SH2D3C: variants seen among roughly 807,000 people sequenced by gnomAD.
SH2D3C encodes the protein SH2 domain-containing protein 3C.
Under a neutral mutation model 75.2 loss-of-function variants are expected in SH2D3C, and 25 were observed. The ratio of observed to expected loss-of-function variants is 0.33; its 90% CI spans 0.24 to 0.46. The LOEUF (loss-of-function observed/expected upper bound fraction) is 0.46, where lower values mean the gene tolerates loss of function less well. Ranked by LOEUF, SH2D3C falls within the 20% of genes least tolerant of loss-of-function variation. The probability of loss-of-function intolerance (pLI) is 1.00; values close to 1 mark genes in which losing one functional copy is unlikely to be tolerated. For synonymous variants in SH2D3C, 450 were observed against 473.7 expected, an observed-to-expected ratio of 0.95 and a Z score of 0.65; for missense variants, 933 against 1,165.3, an observed-to-expected ratio of 0.80 and a Z score of 2.90.
chr9:127,755,298 G>T, intron 3 of SH2D3C: 2 of 1,016,304 alleles, frequency 2.0e-6, no homozygotes, highest in Non-Finnish European at 2.4e-6. Context: ...GTCGGGGGAG[G>T]AGCGGGGAGG....
At chr9:127,745,597 G>A (rs931689420) in intron 6 of SH2D3C, among the ~76,000 whole-genome samples, 3 of 149,692 alleles carry the variant, frequency 2.0e-5, no homozygotes, top group African/African-American at 7.4e-5. Flanking sequence ...TCAGCCTCCC[G>A]AGTAGCTGGG....
intron 9 of SH2D3C, among the ~76,000 whole-genome samples, chr9:127,740,971 G>T (rs565308160): frequency 2.0e-5 from 3 of 152,092 alleles, no homozygotes; most frequent in African/African-American, 7.2e-5. Context: ...GTGAGCTACC[G>T]CGCCTGGCTG....
chr9:127,741,335 G>A (rs1416023439), intron 9 of SH2D3C, among the ~76,000 whole-genome samples: 2 of 150,518 alleles, frequency 1.3e-5, no homozygotes, highest in Non-Finnish European at 2.9e-5. Flanking sequence ...CTGCCTCCCT[G>A]GTTCAAGCGA....
Position 127,738,709 on chromosome 9 carries a change from C to A in SH2D3C, c.*37G>T. On this transcript the variant is annotated 3_prime_UTR_variant, in exon 12 of 12. Transcript: ENST00000314830. This position sits in a 1 kb window ranked among gnomAD's most constrained non-coding sequence, Gnocchi z 5.0. ...AAGTTGTGTGCCCCTCTGCCCCTGACGCTGTCCGCAGCTGCAGAGGGGAAA... is the reference window on the plus strand; with the variant it reads ...AAGTTGTGTGCCCCTCTGCCCCTGAAGCTGTCCGCAGCTGCAGAGGGGAAA... 6.5e-7 allele frequency: 1 copy of A among 1,529,384 alleles called. No homozygotes were observed. The highest frequency in any genetic ancestry group is 1.2e-5 in the South Asian group (1 of 80,646). The allele number at this position is 1,529,384 out of a possible 1,614,324, so 94.7% of individuals were successfully genotyped here.
chr9:127,772,944 G>A (rs1210343923), intron 2 of SH2D3C, among the ~76,000 whole-genome samples: 2 of 151,030 alleles, frequency 1.3e-5, no homozygotes, highest in Non-Finnish European at 2.9e-5. Flanking sequence ...AGCAATTCTC[G>A]TGCCTCCACC....
intron 2 of SH2D3C, chr9:127,767,396 AGCT>A: frequency 8.2e-7 from 1 of 1,221,720 alleles, no homozygotes; most frequent in Non-Finnish European, 1.1e-6. Flanking sequence ...CAGGGCATGC[AGCT>A]GCTCAGACTA....
rs767156845 is a variant in SH2D3C, at chr9:127,774,111, C to T, written c.394G>A (p.Glu132Lys). Residue 132 changes from glutamate (E) to lysine (K), a missense_variant, in exon 2 of 12, where the codon GAG becomes AAG. By Grantham distance (56) the Glu-to-Lys change is moderately conservative. Coordinates refer to ENST00000314830, the MANE Select transcript of SH2D3C (RefSeq NM_170600.3). The surrounding 1 kb of genome is among the most constrained non-coding windows in gnomAD (Gnocchi z 4.3). Reference protein sequence around the residue: ...EVMVKATGPLEDTPAMEPNPS... With the variant: ...EVMVKATGPLKDTPAMEPNPS... The stretch of plus-strand genomic sequence containing the variant: ...TTGGGTTCCATTGCTGGGGTGTCCT[C>T]TAGAGGGCCAGTGGCCTTCACCATC... 2 of 1,614,134 alleles carry T rather than the reference C, an allele frequency of 1.2e-6. No homozygotes were observed. Among genetic ancestry groups the T allele is most frequent in the Admixed American group, 3.3e-5 (2 of 60,012 alleles).
At chr9:127,756,843 A>G (rs559582732) in intron 3 of SH2D3C, among the ~76,000 whole-genome samples, 1 of 151,760 alleles carries the variant, frequency 6.6e-6, no homozygotes, top group Non-Finnish European at 1.5e-5. Context: ...ACAGGGTTTC[A>G]CCGTGGTCTC....
At chr9:127,766,072 G>A (rs1845628070) in intron 2 of SH2D3C, among the ~76,000 whole-genome samples, 1 of 152,158 alleles carries the variant, frequency 6.6e-6, no homozygotes, top group African/African-American at 2.4e-5. Context: ...TTAAATCTGA[G>A]CTTCACCCTC....
In SH2D3C at chr9:127,740,307, C is replaced by A; in HGVS notation, c.2151G>T (p.Leu717=). ...LRQRHTEGAI[L]YEKKLKPFLK... ...GAAAAGGCTTGAGCTTCTTCTCGTACAGGATGGCACCCTCTGTGTGTCGCT... is the reference window on the plus strand; with the variant it reads ...GAAAAGGCTTGAGCTTCTTCTCGTAAAGGATGGCACCCTCTGTGTGTCGCT... The change falls in exon 10 of 12, where the codon CTG becomes CTT. Residue 717 remains leucine (L), a synonymous_variant. Coordinates refer to ENST00000314830, the MANE Select transcript of SH2D3C (RefSeq NM_170600.3). The A allele has an allele frequency of 3.1e-6, 5 of 1,614,162 alleles. No individual in the cohort carries two copies. Among genetic ancestry groups the A allele is most frequent in the Non-Finnish European group, 3.4e-6 (4 of 1,180,024 alleles).
At chr9:127,753,209 G>A (rs1486575379) in intron 3 of SH2D3C, among the ~76,000 whole-genome samples, 1 of 152,166 alleles carries the variant, frequency 6.6e-6, no homozygotes, top group Non-Finnish European at 1.5e-5. Flanking sequence ...ATGGAGAGCA[G>A]CCTAGGGTTT....
Position 127,742,925 on chromosome 9 carries a change from G to A in SH2D3C, c.1840C>T (p.Leu614=). 6.2e-7 allele frequency: 1 copy of A among 1,613,964 alleles called. No individual in the cohort carries two copies. Among genetic ancestry groups the A allele is most frequent in the Non-Finnish European group, 8.5e-7 (1 of 1,179,910 alleles). Reference sequence around the variant, plus strand: ...TCCATGCCCCAGCGGACTCCCATTAGGGTCTGCATCTCCTTGGTAACGCCC... The same window carrying A: ...TCCATGCCCCAGCGGACTCCCATTAAGGTCTGCATCTCCTTGGTAACGCCC... ...ILGVTKEMQT[L]MGVRWGMELL... is the part of the protein sequence containing the mutation. Residue 614 remains leucine (L), a synonymous_variant, in exon 8 of 12, where the codon CTA becomes TTA. Transcript: ENST00000314830.
Position 127,751,163 on chromosome 9 carries a change from C to T in SH2D3C, c.684+9G>A. Reference sequence around the variant, plus strand: ...TCCCGGGTTGAAGTCCAGCTCGGGGCCTACTCACCTCTCGGGGGATGCGGC... The same window carrying T: ...TCCCGGGTTGAAGTCCAGCTCGGGGTCTACTCACCTCTCGGGGGATGCGGC... On this transcript the variant is annotated intron_variant, in intron 4 of 11. Coordinates refer to ENST00000314830, the MANE Select transcript of SH2D3C (RefSeq NM_170600.3). This position sits in a 1 kb window ranked among gnomAD's most constrained non-coding sequence, Gnocchi z 4.1. 6.2e-7 allele frequency: 1 copy of T among 1,613,146 alleles called. No individual in the cohort carries two copies. The highest frequency in any genetic ancestry group is 8.5e-7 in the Non-Finnish European group (1 of 1,179,884).
At chr9:127,767,751 T>C (rs376396915) in intron 2 of SH2D3C, among the ~76,000 whole-genome samples, 3 of 152,300 alleles carry the variant, frequency 2.0e-5, no homozygotes, top group African/African-American at 7.2e-5. Flanking sequence ...CCACCTGACA[T>C]ATCCCGTCCT....
rs1491252899 is a variant in SH2D3C, at chr9:127,757,630, G to GATT, written c.555+3980_555+3981insAAT. ...TGATGATGATGATGATGATGATGAT[G>GATT]ATGATGATGATGATGATTATTATTA... On this transcript the variant is annotated intron_variant, in intron 3 of 11. Coordinates refer to ENST00000314830, the MANE Select transcript of SH2D3C (RefSeq NM_170600.3). Among the ~76,000 whole-genome samples, 514 of 76,300 alleles carry GATT rather than the reference G, an allele frequency of 6.7e-3. 4 individuals are homozygous for GATT. The highest frequency in any genetic ancestry group is 8.4e-3 in the Non-Finnish European group (297 of 35,446). 50.1% of individuals were successfully genotyped at this position (76,300 alleles called of 152,430 possible).
chr9:127,753,260 G>A (rs924366195), intron 3 of SH2D3C, among the ~76,000 whole-genome samples: 1 of 152,156 alleles, frequency 6.6e-6, no homozygotes, highest in African/African-American at 2.4e-5. Context: ...GGCAGAAGGA[G>A]TGGGGGAAAG....
chr9:127,777,877 G>A (rs941028429), intron 1 of SH2D3C, among the ~76,000 whole-genome samples: 16 of 151,888 alleles, frequency 1.1e-4, no homozygotes, highest in African/African-American at 1.9e-4. Context: ...GAAACAAGGC[G>A]GGAAACAGGA....
In SH2D3C at chr9:127,778,643, G is replaced by C; in HGVS notation, c.-16C>G. 2 of 1,613,374 alleles carry C rather than the reference G, an allele frequency of 1.2e-6. No homozygotes were observed. Among genetic ancestry groups the C allele is most frequent in the Non-Finnish European group, 1.7e-6 (2 of 1,179,306 alleles). ...CCTCTGTCATCTTGGCAAATTGTGT[G>C]AAGCCCTTGGCCAGCTTGCGAGTGG... On this transcript the variant is annotated 5_prime_UTR_variant, in exon 1 of 12. Coordinates refer to ENST00000314830, the MANE Select transcript of SH2D3C (RefSeq NM_170600.3).
At position 127,774,139 on chromosome 9, in the gene SH2D3C, C is replaced by T. The variant is rs1564426598; in HGVS notation, c.366G>A (p.Glu122=). 7 of 1,614,026 alleles carry T rather than the reference C, an allele frequency of 4.3e-6. No homozygotes were observed. The Admixed American group carries it at 5.0e-5, about 12-fold the overall frequency. Residue 122 remains glutamate (E), a synonymous_variant, in exon 2 of 12, where the codon GAG becomes GAA. Transcript: ENST00000314830. This position sits in a 1 kb window ranked among gnomAD's most constrained non-coding sequence, Gnocchi z 4.3. The part of the protein sequence containing the change: ...PDPPGLEAAK[E]VMVKATGPLE... ...GAGGGCCAGTGGCCTTCACCATCACCTCTTTGGCTGCCTCCAAGCCTGGGG... is the reference window on the plus strand; with the variant it reads ...GAGGGCCAGTGGCCTTCACCATCACTTCTTTGGCTGCCTCCAAGCCTGGGG...
Sources: gnomAD v4.1 joint callset for allele counts (sites outside exome capture counted in the v4.1 genomes callset) on GRCh38, gnomAD v4.1.1 for gene constraint, Gnocchi (gnomAD v3.1) non-coding constraint, MANE v1.5 for transcripts, NCBI Gene and HGNC (gene_info 2026-07-23, HGNC 2026-07-21) for gene names.